The following FGF14 variants were observed in gnomAD, a reference collection of about 807,000 sequenced individuals.
The protein encoded by FGF14 is fibroblast growth factor homologous factor 4.
A neutral mutation model predicts 25.5 loss-of-function variants in FGF14; 5 were observed. The ratio of observed to expected loss-of-function variants is 0.20; its 90% CI spans 0.10 to 0.41. The LOEUF is 0.41. Ranked by LOEUF, FGF14 falls within the 10% of genes least tolerant of loss-of-function variation. FGF14 has a pLI of 1.00. For missense variants in FGF14, 222 were observed against 320.1 expected (o/e 0.69, Z 2.34); for synonymous variants, 138 against 118.3 (o/e 1.17, Z -1.08).
chr13:101,761,857 T>C (rs573695175), intron 3 of FGF14, among the ~76,000 whole-genome samples: 1 of 152,286 alleles, frequency 6.6e-6, no homozygotes, highest in African/African-American at 2.4e-5. Flanking sequence ...CAGTTCATAA[T>C]CTAATGGCTT....
At chr13:102,233,762 G>C (rs866335446) in intron 1 of FGF14, among the ~76,000 whole-genome samples, 1 of 152,188 alleles carries the variant, frequency 6.6e-6, no homozygotes, top group East Asian at 1.9e-4. Context: ...TACTCTTGTC[G>C]ACACACAACC....
chr13:101,801,649 G>C (rs1007407942), intron 3 of FGF14, among the ~76,000 whole-genome samples: 5 of 152,146 alleles, frequency 3.3e-5, no homozygotes, highest in African/African-American at 1.2e-4. Context: ...TGAGAAAACA[G>C]GTTGGTTAAG....
chr13:101,836,906 T>C (rs1358809382), intron 3 of FGF14, among the ~76,000 whole-genome samples: 3 of 152,074 alleles, frequency 2.0e-5, no homozygotes, highest in African/African-American at 7.2e-5. Context: ...TATAAATAGT[T>C]CATGTTTATA....
chr13:102,112,441 C>T (rs1480655226), intron 1 of FGF14, among the ~76,000 whole-genome samples: 1 of 152,208 alleles, frequency 6.6e-6, no homozygotes, highest in Non-Finnish European at 1.5e-5. Flanking sequence ...AATTCTCACA[C>T]ACCACCCGCA....
At chr13:101,806,443 A>G (rs1301370851) in intron 3 of FGF14, among the ~76,000 whole-genome samples, 2 of 151,542 alleles carry the variant, frequency 1.3e-5, no homozygotes, top group Non-Finnish European at 2.9e-5. Context: ...AAAAAAAGGA[A>G]GAAAAATATA....
At chr13:102,304,136 T>C (rs2055234990) in intron 1 of FGF14, among the ~76,000 whole-genome samples, 1 of 151,874 alleles carries the variant, frequency 6.6e-6, no homozygotes, top group African/African-American at 2.4e-5. Context: ...ACAAGAAAAA[T>C]CTATTACATT....
intron 1 of FGF14, among the ~76,000 whole-genome samples, chr13:101,902,641 G>A (rs2031721333): frequency 6.6e-6 from 1 of 152,152 alleles, no homozygotes; most frequent in Non-Finnish European, 1.5e-5. Context: ...GCCAGTAAGT[G>A]CAGAATAACT....
intron 3 of FGF14, among the ~76,000 whole-genome samples, chr13:101,796,100 A>G (rs2040506001): frequency 6.6e-6 from 1 of 152,106 alleles, no homozygotes; most frequent in Non-Finnish European, 1.5e-5. Flanking sequence ...AATAACCTAT[A>G]ATATTTTTAG....
At chr13:101,788,071 C>G (rs111322567) in intron 3 of FGF14, among the ~76,000 whole-genome samples, 35 of 152,170 alleles carry the variant, frequency 2.3e-4, no homozygotes, top group African/African-American at 7.7e-4. Context: ...CAGGGTTTTG[C>G]CATGTTGGTC....
At chr13:101,897,176 G>T (rs2138948414) in intron 1 of FGF14, among the ~76,000 whole-genome samples, 1 of 152,288 alleles carries the variant, frequency 6.6e-6, no homozygotes, top group East Asian at 1.9e-4. Flanking sequence ...TCCTGGGTTT[G>T]CCCCGCTCAC....
intron 1 of FGF14, among the ~76,000 whole-genome samples, chr13:102,047,426 C>CA (rs1482457533): frequency 1.3e-5 from 2 of 151,652 alleles, no homozygotes; most frequent in African/African-American, 4.9e-5. Flanking sequence ...CTGTTCAGGA[C>CA]AAAATAAGGA....
intron 4 of FGF14, among the ~76,000 whole-genome samples, chr13:101,726,357 G>T (rs1185689478): frequency 6.6e-6 from 1 of 151,898 alleles, no homozygotes; most frequent in Non-Finnish European, 1.5e-5. Flanking sequence ...TAGCAGTGAG[G>T]ATTTGAGCCT....
intron 1 of FGF14, among the ~76,000 whole-genome samples, chr13:102,073,268 A>G (rs2043224216): frequency 6.6e-6 from 1 of 152,186 alleles, no homozygotes; most frequent in Non-Finnish European, 1.5e-5. Flanking sequence ...ATTAATAAAT[A>G]AACAAAAATT....
intron 1 of FGF14, among the ~76,000 whole-genome samples, chr13:101,878,047 C>A (rs2045495190): frequency 6.6e-6 from 1 of 152,128 alleles, no homozygotes; most frequent in South Asian, 2.1e-4. Flanking sequence ...TGACTCTTCA[C>A]CATCCACTGA....
chr13:102,151,399 T>A (rs4772446), intron 1 of FGF14, among the ~76,000 whole-genome samples: 30,773 of 152,084 alleles, frequency 0.2, 3,292 homozygotes, highest in East Asian at 0.35. Context: ...ATCATCTTCT[T>A]ACGCCTTATT....
chr13:101,907,097 A>T (rs1277186815), intron 1 of FGF14, among the ~76,000 whole-genome samples: 2 of 152,170 alleles, frequency 1.3e-5, no homozygotes, highest in Non-Finnish European at 1.5e-5. Flanking sequence ...GCTTAATCAC[A>T]AATCTATTAT....
At chr13:102,273,865 G>A (rs1158047599) in intron 1 of FGF14, among the ~76,000 whole-genome samples, 1 of 150,586 alleles carries the variant, frequency 6.6e-6, no homozygotes, top group Non-Finnish European at 1.5e-5. Context: ...CTTGAGCCCT[G>A]GAGTTCAAGG....
intron 1 of FGF14, among the ~76,000 whole-genome samples, chr13:102,104,644 G>A (rs1452442587): frequency 2.0e-5 from 3 of 151,990 alleles, no homozygotes. Context: ...AAATTACCCA[G>A]GCATGGTGGT....
intron 1 of FGF14, among the ~76,000 whole-genome samples, chr13:101,884,549 T>C (rs996146140): frequency 1.3e-5 from 2 of 152,040 alleles, no homozygotes; most frequent in Non-Finnish European, 2.9e-5. Context: ...TGTCATATAG[T>C]AGGTGCTCAA....
Sources: gnomAD v4.1 joint callset for allele counts (sites outside exome capture counted in the v4.1 genomes callset) on GRCh38, gnomAD v4.1.1 for gene constraint, MANE v1.5 for transcripts, NCBI Gene and HGNC (gene_info 2026-07-23, HGNC 2026-07-21) for gene names.